ISM1: variants seen among roughly 807,000 people sequenced by gnomAD.
The protein encoded by ISM1 is isthmin 1.
A neutral mutation model predicts 46.3 loss-of-function variants in ISM1; 25 were observed. The observed-to-expected ratio is 0.54, with a 90% CI of 0.39 to 0.75. The LOEUF is 0.75. Among genes scored for constraint, ISM1 ranks in the 30% least tolerant of loss-of-function variants. The pLI is 0.00. For synonymous variants in ISM1, 255 were observed against 256.7 expected (o/e 0.99, Z 0.06); for missense variants, 536 against 625.4 (o/e 0.86, Z 1.52).
intron 1 of ISM1, among the ~76,000 whole-genome samples, chr20:13,241,604 C>T (rs992822859): frequency 6.6e-6 from 1 of 152,130 alleles, no homozygotes; most frequent in African/African-American, 2.4e-5. Context: ...GAGTTACCAT[C>T]TCATGACTCC....
the ISM1 span, among the ~76,000 whole-genome samples, chr20:13,313,344 C>T: frequency 6.6e-6 from 1 of 152,224 alleles, no homozygotes; most frequent in East Asian, 1.9e-4. Context: ...TGTAACCTAA[C>T]TGGATGTGTA....
chr20:13,257,427 G>C (rs753907267), intron 1 of ISM1, among the ~76,000 whole-genome samples: 6 of 152,186 alleles, frequency 3.9e-5, no homozygotes, highest in Non-Finnish European at 8.8e-5. Flanking sequence ...TGAGGTGGGA[G>C]AATCACTTGA....
At chr20:13,222,996 C>G (rs2039469099) in intron 1 of ISM1, among the ~76,000 whole-genome samples, 1 of 151,986 alleles carries the variant, frequency 6.6e-6, no homozygotes, top group South Asian at 2.1e-4. Flanking sequence ...AACCCCGTCT[C>G]TACTAAAAAT....
intron 1 of ISM1, among the ~76,000 whole-genome samples, chr20:13,225,162 T>C (rs2039507938): frequency 1.3e-5 from 2 of 152,118 alleles, no homozygotes; most frequent in African/African-American, 4.8e-5. Flanking sequence ...CCATACTAGC[T>C]TTCTTAATCC....
intron 5 of ISM1, among the ~76,000 whole-genome samples, chr20:13,298,321 G>C (rs1284687457): frequency 1.3e-5 from 2 of 152,112 alleles, no homozygotes; most frequent in Admixed American, 6.5e-5. Context: ...TGGCCAGGCT[G>C]GTCTTAAACT....
intron 1 of ISM1, among the ~76,000 whole-genome samples, chr20:13,248,808 G>A (rs1449910845): frequency 1.3e-5 from 2 of 152,306 alleles, no homozygotes; most frequent in East Asian, 1.9e-4. Context: ...GTGAGCGGGG[G>A]AAGCCAGTGG....
intron 1 of ISM1, among the ~76,000 whole-genome samples, chr20:13,243,397 T>A (rs574934141): frequency 6.6e-6 from 1 of 152,266 alleles, no homozygotes; most frequent in South Asian, 2.1e-4. Flanking sequence ...GGAAATGTAT[T>A]CCCTGATAAG....
At chr20:13,306,564 C>CAAAAAAAAAAAAAAAAAAAAAAAAAGAAA in the ISM1 span, among the ~76,000 whole-genome samples, 1 of 63,916 alleles carries the variant, frequency 1.6e-5, no homozygotes, top group Non-Finnish European at 2.6e-5. Flanking sequence ...GGAGAAAGGA[C>CAAAAAAAAAAAAAAAAAAAAAAAAAGAAA]AAAAAAAAAA....
At chr20:13,272,341 G>C (rs1160902770) in intron 2 of ISM1, among the ~76,000 whole-genome samples, 1 of 152,156 alleles carries the variant, frequency 6.6e-6, no homozygotes, top group African/African-American at 2.4e-5. Context: ...ATCTCACTGA[G>C]AACACTTGGA....
chr20:13,269,508 CCTT>C (rs1436085940), intron 1 of ISM1, among the ~76,000 whole-genome samples: 3 of 152,224 alleles, frequency 2.0e-5, no homozygotes, highest in African/African-American at 7.2e-5. Context: ...GTTCTTCCCT[CCTT>C]CTCTCTACAA....
intron 1 of ISM1, among the ~76,000 whole-genome samples, chr20:13,253,689 G>A (rs749504062): frequency 2.6e-5 from 4 of 151,996 alleles, no homozygotes; most frequent in Non-Finnish European, 4.4e-5. Context: ...ATTTCCAGGC[G>A]ATTCCAACAC....
At chr20:13,314,832 T>G in the ISM1 span, among the ~76,000 whole-genome samples, 1 of 152,122 alleles carries the variant, frequency 6.6e-6, no homozygotes, top group Non-Finnish European at 1.5e-5. Flanking sequence ...TCTATCTATA[T>G]GTTTATACAT....
intron 1 of ISM1, among the ~76,000 whole-genome samples, chr20:13,229,684 T>C (rs1202293601): frequency 3.3e-5 from 5 of 152,238 alleles, no homozygotes; most frequent in Admixed American, 2.0e-4. Flanking sequence ...AAATTTCTAG[T>C]AGTAAGGCTG....
At chr20:13,237,880 G>C (rs142769922) in intron 1 of ISM1, 2 of 152,150 alleles carry the variant, frequency 1.3e-5, no homozygotes, top group African/African-American at 4.8e-5. Context: ...ATGCAGGCTG[G>C]TTTCAGTATT....
At chr20:13,244,703 A>G (rs6134830) in intron 1 of ISM1, among the ~76,000 whole-genome samples, 36,706 of 152,162 alleles carry the variant, frequency 0.24, 4,543 homozygotes, top group African/African-American at 0.3. Flanking sequence ...GGTTTTGACC[A>G]CATTTTCTAT....
At position 13,258,743 on chromosome 20, in the gene ISM1, G is replaced by A. The variant is rs147322897; in HGVS notation, c.139-11761G>A. Reference sequence around the variant, plus strand: ...TAGGATCAGAATAGGGAATTGTATCGGGGAAAAATGAAGTGTTCGAAAGGA... The same window carrying A: ...TAGGATCAGAATAGGGAATTGTATCAGGGAAAAATGAAGTGTTCGAAAGGA... On this transcript the variant is annotated intron_variant, in intron 1 of 5. Coordinates refer to ENST00000262487, the MANE Select transcript of ISM1 (RefSeq NM_080826.2). Among the ~76,000 whole-genome samples, 344 of 152,138 alleles carry A rather than the reference G, an allele frequency of 2.3e-3. 2 individuals are homozygous for A. The highest frequency in any genetic ancestry group is 2.9e-3 in the Non-Finnish European group (196 of 68,002).
chr20:13,230,265 G>T (rs1000307790), intron 1 of ISM1, among the ~76,000 whole-genome samples: 1 of 151,954 alleles, frequency 6.6e-6, no homozygotes, highest in Non-Finnish European at 1.5e-5. Context: ...AATCTTTTAC[G>T]CTACATGTTA....
At chr20:13,247,355 A>T (rs1401402123) in intron 1 of ISM1, among the ~76,000 whole-genome samples, 1 of 152,216 alleles carries the variant, frequency 6.6e-6, no homozygotes, top group African/African-American at 2.4e-5. Flanking sequence ...TTGTGTCTTT[A>T]AGTGTCAGCG....
intron 3 of ISM1, among the ~76,000 whole-genome samples, chr20:13,285,064 A>C (rs1401670769): frequency 6.6e-6 from 1 of 152,194 alleles, no homozygotes; most frequent in Non-Finnish European, 1.5e-5. Flanking sequence ...AGGCAGGAGG[A>C]TTGCCTGAAG....
Sources: gnomAD v4.1 joint callset for allele counts (sites outside exome capture counted in the v4.1 genomes callset) on GRCh38, gnomAD v4.1.1 for gene constraint, MANE v1.5 for transcripts, NCBI Gene and HGNC (gene_info 2026-07-23, HGNC 2026-07-21) for gene names.